Variants in TLL1 observed in about 807,000 individuals in gnomAD.
TLL1 encodes the protein tolloid like 1, also known as tolloid-like protein 1.
Under a neutral mutation model 128.2 loss-of-function variants are expected in TLL1, and 49 were observed. That is an observed-to-expected ratio of 0.38 (90% CI 0.30 to 0.48). TLL1 has a LOEUF of 0.48. TLL1 is among the 20% of genes least tolerant of loss of function. The pLI is 0.96. For synonymous variants in TLL1, 454 were observed against 418.8 expected (o/e 1.08, Z -1.03); for missense variants, 1,123 against 1,242.0 (o/e 0.90, Z 1.44).
At chr4:165,940,727 A>C (rs1347662924) in intron 1 of TLL1, among the ~76,000 whole-genome samples, 1 of 152,074 alleles carries the variant, frequency 6.6e-6, no homozygotes, top group Non-Finnish European at 1.5e-5. Context: ...ATTGTTAGGA[A>C]AGATATGATG....
chr4:165,990,290 A>G lies in TLL1; in HGVS notation c.280+799A>G, dbSNP rs1736577481. On this transcript the variant is annotated intron_variant, in intron 2 of 20. Transcript: ENST00000061240. ...CTCTAATTATATTAATAGCTAAAAT[A>G]TTTATTTCATGTCATGCTTTTGATT... Among the ~76,000 whole-genome samples, 3 of 151,882 alleles carry G rather than the reference A, an allele frequency of 2.0e-5. No homozygotes were observed. The South Asian group carries it at 6.2e-4, about 31-fold the overall frequency.
chr4:166,067,872 A>C (rs576163363), intron 16 of TLL1, among the ~76,000 whole-genome samples: 2 of 151,912 alleles, frequency 1.3e-5, no homozygotes, highest in Non-Finnish European at 3.0e-5. Context: ...TAAGCTGCTC[A>C]GTGTCACAGA....
chr4:165,912,343 G>A (rs1004303684), intron 1 of TLL1, among the ~76,000 whole-genome samples: 4 of 152,058 alleles, frequency 2.6e-5, no homozygotes, highest in Non-Finnish European at 4.4e-5. Context: ...TGTCAGCCAC[G>A]GAGCCCTCTC....
chr4:165,983,386 G>A (rs775485628), intron 1 of TLL1, among the ~76,000 whole-genome samples: 4 of 151,732 alleles, frequency 2.6e-5, no homozygotes, highest in Non-Finnish European at 5.9e-5. Flanking sequence ...GTAAAATTAC[G>A]TTAAAACAGA....
chr4:166,006,893 A>G (rs1253776705), intron 6 of TLL1, among the ~76,000 whole-genome samples: 1 of 151,656 alleles, frequency 6.6e-6, no homozygotes, highest in Non-Finnish European at 1.5e-5. Flanking sequence ...ACATAACTCA[A>G]TTTCTTTATT....
chr4:165,881,252 A>G (rs1579435838), intron 1 of TLL1, among the ~76,000 whole-genome samples: 1 of 152,320 alleles, frequency 6.6e-6, no homozygotes, highest in East Asian at 1.9e-4. Context: ...AGTACCTCGC[A>G]TATCTAGGAA....
chr4:166,052,297 T>C (rs528131955), intron 12 of TLL1, among the ~76,000 whole-genome samples: 13 of 152,322 alleles, frequency 8.5e-5, no homozygotes, highest in African/African-American at 3.1e-4. Flanking sequence ...TTATCTTTTT[T>C]AAATTTATTT....
chr4:165,907,612 G>A (rs891507406), intron 1 of TLL1, among the ~76,000 whole-genome samples: 1 of 149,484 alleles, frequency 6.7e-6, no homozygotes, highest in Non-Finnish European at 1.5e-5. Context: ...GCAATGGCAT[G>A]ATCTTGGCTC....
At chr4:165,982,279 A>G (rs1309537850) in intron 1 of TLL1, among the ~76,000 whole-genome samples, 1 of 151,908 alleles carries the variant, frequency 6.6e-6, no homozygotes, top group African/African-American at 2.4e-5. Context: ...TGAAACTTCT[A>G]AAGCTGTAAA....
intron 1 of TLL1, among the ~76,000 whole-genome samples, chr4:165,956,834 T>A (rs985806138): frequency 6.6e-6 from 1 of 152,106 alleles, no homozygotes; most frequent in Non-Finnish European, 1.5e-5. Context: ...TTTATGTTCC[T>A]CTGCTGTGGC....
chr4:166,057,590 T>C (rs1354391914), intron 14 of TLL1, among the ~76,000 whole-genome samples: 3 of 152,122 alleles, frequency 2.0e-5, no homozygotes, highest in Admixed American at 1.3e-4. Flanking sequence ...CACATTAGCA[T>C]ATTTATTATG....
chr4:165,996,881 TTAA>T (rs1309084955), intron 5 of TLL1, among the ~76,000 whole-genome samples: 17 of 150,344 alleles, frequency 1.1e-4, no homozygotes, highest in African/African-American at 3.9e-4. Context: ...TATGTATATA[TTAA>T]TATTTATTTG....
chr4:166,062,676 T>C (rs1363976105), intron 15 of TLL1, among the ~76,000 whole-genome samples: 15 of 152,188 alleles, frequency 9.9e-5, no homozygotes, highest in Admixed American at 9.8e-4. Context: ...AGGGACAATT[T>C]GACTTCCTCT....
intron 6 of TLL1, among the ~76,000 whole-genome samples, chr4:166,005,410 T>C (rs1737376573): frequency 6.6e-6 from 1 of 151,906 alleles, no homozygotes; most frequent in Non-Finnish European, 1.5e-5. Flanking sequence ...AAAACAATAT[T>C]TAAGCAATAC....
At chr4:166,022,581 G>A (rs1393624008) in intron 8 of TLL1, among the ~76,000 whole-genome samples, 3 of 152,158 alleles carry the variant, frequency 2.0e-5, no homozygotes, top group African/African-American at 7.2e-5. Context: ...TACAGAATAT[G>A]GAGAATGGGA....
intron 19 of TLL1, among the ~76,000 whole-genome samples, chr4:166,097,833 G>A (rs773411294): frequency 2.0e-5 from 3 of 151,944 alleles, no homozygotes; most frequent in Non-Finnish European, 4.4e-5. Flanking sequence ...ATTTCCCCTG[G>A]GATATTCCTC....
intron 1 of TLL1, among the ~76,000 whole-genome samples, chr4:165,934,663 C>T (rs751758597): frequency 1.3e-5 from 2 of 152,178 alleles, no homozygotes; most frequent in Non-Finnish European, 2.9e-5. Context: ...TTCTGTACCA[C>T]GTTCTTTCTT....
intron 6 of TLL1, among the ~76,000 whole-genome samples, chr4:166,004,571 C>T (rs1005790968): frequency 5.3e-5 from 8 of 151,964 alleles, no homozygotes; most frequent in African/African-American, 9.6e-5. Flanking sequence ...CAAGGCATGA[C>T]GAAAAGTCCC....
chr4:166,018,407 T>C (rs1310016182), intron 8 of TLL1, among the ~76,000 whole-genome samples: 1 of 152,142 alleles, frequency 6.6e-6, no homozygotes, highest in Non-Finnish European at 1.5e-5. Context: ...AAATAATTTA[T>C]GACTAAGTCC....
Sources: allele counts gnomAD v4.1 joint callset (sites outside exome capture counted in the v4.1 genomes callset), GRCh38; gene constraint gnomAD v4.1.1; transcripts MANE v1.5; gene names NCBI Gene and HGNC (gene_info 2026-07-23, HGNC 2026-07-21).